C6orf132: variants seen among roughly 807,000 people sequenced by gnomAD.
C6orf132 encodes chromosome 6 open reading frame 132.
C6orf132 carries 43 observed loss-of-function variants against 65.3 expected under a neutral mutation model. That is an observed-to-expected ratio of 0.66 (90% CI 0.52 to 0.85). The LOEUF is 0.85. Among genes scored for constraint, C6orf132 ranks in the 40% least tolerant of loss-of-function variants. C6orf132 has a pLI of 0.00. For missense variants in C6orf132, 1,488 were observed against 1,548.8 expected, an observed-to-expected ratio of 0.96 and a Z score of 0.66; for synonymous variants, 631 against 654.1, an observed-to-expected ratio of 0.96 and a Z score of 0.54.
At chr6:42,123,524 T>A (rs13214537) in intron 2 of C6orf132, among the ~76,000 whole-genome samples, 85,015 of 137,458 alleles carry the variant, frequency 0.62, 24,889 homozygotes, top group Middle Eastern at 0.74. Flanking sequence ...GAGAGGGAGG[T>A]GGAGGAGGAG....
At chr6:42,118,995 G>T (rs1219854679) in intron 2 of C6orf132, among the ~76,000 whole-genome samples, 2 of 142,818 alleles carry the variant, frequency 1.4e-5, no homozygotes, top group Non-Finnish European at 3.0e-5. Flanking sequence ...CACTTTGGGA[G>T]GCCAAGGCAG....
At chr6:42,136,047 G>A (rs1766935774) in intron 1 of C6orf132, among the ~76,000 whole-genome samples, 1 of 151,634 alleles carries the variant, frequency 6.6e-6, no homozygotes, top group Non-Finnish European at 1.5e-5. Context: ...CACCAGCATG[G>A]CACATGTATA....
At chr6:42,140,712 C>T (rs1251588554) in intron 1 of C6orf132, among the ~76,000 whole-genome samples, 2 of 152,232 alleles carry the variant, frequency 1.3e-5, no homozygotes, top group African/African-American at 4.8e-5. Context: ...CTTAACCTCC[C>T]TGTGCCTCAG....
chr6:42,125,832 C>T (rs113710667), intron 2 of C6orf132, among the ~76,000 whole-genome samples: 3 of 151,984 alleles, frequency 2.0e-5, no homozygotes, highest in African/African-American at 7.2e-5. Context: ...TCTGCCCAGA[C>T]CAGATCCAAA....
In C6orf132 at chr6:42,105,677, T is replaced by C; in HGVS notation, c.2235A>G (p.Thr745=). ...AGGCTGCAGATGAGCGGGCTCCCTG[T>C]GTGGGCAGCCTAGTGGCCTCTGAGG... ...GSPSEATRLP[T]QGARSSAAFP... is the part of the protein sequence containing the mutation. The change falls in exon 4 of 5, where the codon ACA becomes ACG. Residue 745 remains threonine (T), a synonymous_variant. Transcript: ENST00000341865. 6.5e-7 allele frequency: 1 copy of C among 1,537,234 alleles called. No homozygotes were observed. Among genetic ancestry groups the C allele is most frequent in the Non-Finnish European group, 8.7e-7 (1 of 1,146,900 alleles).
chr6:42,107,334 A>C lies in C6orf132; in HGVS notation c.578T>G (p.Val193Gly). 2.3e-6 allele frequency: 2 copies of C among 872,084 alleles called. No homozygotes were observed. 54.0% of individuals were successfully genotyped at this position (872,084 alleles called of 1,614,324 possible). A position where few individuals can be genotyped will look rare whatever the true frequency, so the allele number is the denominator to read the frequency against. ...PPSMAPPPPP[V>G]LEALSPPHTL... ...GTGTGGTGGGGATAGGGCCTCCAAT[A>C]CTGGGGGTGGAGGTGGGGCCATGCT... is the stretch of plus-strand genomic sequence containing the variant. The change falls in exon 4 of 5, where the codon GTA (valine) becomes GGA (glycine). Residue 193 changes from valine (V) to glycine (G), a missense_variant. Val to Gly is a moderately radical substitution (Grantham distance 109, BLOSUM62 -3). Transcript: ENST00000341865.
In C6orf132 at chr6:42,103,859, G is replaced by A. The variant is rs1403108278; in HGVS notation, c.3469C>T (p.Arg1157Cys). 5.4e-6 allele frequency: 8 copies of A among 1,482,450 alleles called. No homozygotes were observed. Among genetic ancestry groups the A allele is most frequent in the East Asian group, 2.7e-5 (1 of 36,852 alleles). 91.8% of individuals were successfully genotyped at this position (1,482,450 alleles called of 1,614,324 possible). A position where few individuals can be genotyped will look rare whatever the true frequency, so the allele number is the denominator to read the frequency against. ...AACGTGTTGATGGGGCTTCCATAGC[G>A]GGTGGTGGTGTAGGGAGACCTGGGG... ...AAGRSPYTTT[R>C]YGSPINTFTV... Residue 1157 changes from arginine (R) to cysteine (C), a missense_variant, in exon 5 of 5, where the codon CGC becomes TGC. By Grantham distance (180) the Arg-to-Cys change is radical. Coordinates refer to ENST00000341865, the MANE Select transcript of C6orf132 (RefSeq NM_001164446.3).
In C6orf132 at chr6:42,142,241, G is replaced by A. The variant is rs150799103; in HGVS notation, c.145+59C>T. 2.8e-3 allele frequency: 4,170 copies of A among 1,515,780 alleles called. 17 individuals are homozygous for A. The highest frequency in any genetic ancestry group is 0.011 in the Admixed American group (515 of 48,722). The allele number at this position is 1,515,780 out of a possible 1,614,324, so 93.9% of individuals were successfully genotyped here. A position where few individuals can be genotyped will look rare whatever the true frequency, so the allele number is the denominator to read the frequency against. On this transcript the variant is annotated intron_variant, in intron 1 of 4. Coordinates refer to ENST00000341865, the MANE Select transcript of C6orf132 (RefSeq NM_001164446.3). ...CGCGCCTCCAGGAGACAGCACCGCCGGCCCTGCCCCAGCGCCCTCCGTCCC... is the reference window on the plus strand; with the variant it reads ...CGCGCCTCCAGGAGACAGCACCGCCAGCCCTGCCCCAGCGCCCTCCGTCCC...
Position 42,115,897 on chromosome 6 carries a change from CTTTCTTTTTTTTTT to C in C6orf132, c.253-5620_253-5607del, listed in dbSNP as rs1253033637. Among the ~76,000 whole-genome samples the C allele has an allele frequency of 2.4e-3, 338 of 142,434 alleles. 2 individuals carry two copies. Among genetic ancestry groups the C allele is most frequent in the Admixed American group, 5.3e-3 (77 of 14,498 alleles). 93.4% of individuals were successfully genotyped at this position (142,434 alleles called of 152,430 possible). On this transcript the variant is annotated intron_variant, in intron 2 of 4. Transcript: ENST00000341865. ...TTCTGTATCAGGTACTCTTTCAGCA[CTTTCTTTTTTTTTT>C]TTTCTTTTTTCTTTTTCTTTTTCTT...
At chr6:42,129,450 A>T (rs757868562) in intron 1 of C6orf132, among the ~76,000 whole-genome samples, 1 of 152,176 alleles carries the variant, frequency 6.6e-6, no homozygotes, top group Non-Finnish European at 1.5e-5. Context: ...TCCCATCCGT[A>T]CAGTGGGAGT....
chr6:42,134,774 C>CA (rs34668328), intron 1 of C6orf132, among the ~76,000 whole-genome samples: 10,624 of 83,486 alleles, frequency 0.13, 669 homozygotes, highest in Non-Finnish European at 0.16. Context: ...AACTCCATCT[C>CA]AAAAAAAAAA....
chr6:42,118,423 C>A (rs751013865), intron 2 of C6orf132, among the ~76,000 whole-genome samples: 17 of 152,176 alleles, frequency 1.1e-4, no homozygotes, highest in Non-Finnish European at 1.9e-4. Flanking sequence ...TACACTGCTC[C>A]ACCCTTGGCA....
chr6:42,130,016 C>T (rs1766826874), intron 1 of C6orf132, among the ~76,000 whole-genome samples: 1 of 152,368 alleles, frequency 6.6e-6, no homozygotes, highest in East Asian at 1.9e-4. Context: ...ATAGCCGCAG[C>T]ACCCCATGCG....
chr6:42,109,427 T>C (rs933812804), intron 3 of C6orf132, among the ~76,000 whole-genome samples: 7 of 139,804 alleles, frequency 5.0e-5, no homozygotes, highest in African/African-American at 1.8e-4. Context: ...CGAGACTCCA[T>C]CTCAAATAAA....
intron 1 of C6orf132, among the ~76,000 whole-genome samples, chr6:42,134,949 T>C (rs1254749033): frequency 2.0e-5 from 3 of 151,768 alleles, no homozygotes; most frequent in African/African-American, 7.3e-5. Context: ...CGTAGTGAGC[T>C]GAGATTGCGC....
intron 1 of C6orf132, 73 bp from the exon 2 acceptor site, chr6:42,128,851 C>T: frequency 3.6e-6 from 4 of 1,103,032 alleles, no homozygotes; most frequent in Non-Finnish European, 5.4e-6. Flanking sequence ...TTAATCTGCC[C>T]TTCAGCTCCC....
At position 42,130,217 on chromosome 6, in the gene C6orf132, G is replaced by T. The variant is rs111370156; in HGVS notation, c.146-1439C>A. On this transcript the variant is annotated intron_variant, in intron 1 of 4. Coordinates refer to ENST00000341865, the MANE Select transcript of C6orf132 (RefSeq NM_001164446.3). ...ACGTCCCTGGAAACTCCAGTTCCCA[G>T]CACTGCCCTGCCCCATGCACTCTGG... Among the ~76,000 whole-genome samples, 996 of 152,366 alleles carry T rather than the reference G, an allele frequency of 6.5e-3. 13 individuals carry two copies. Among genetic ancestry groups the T allele is most frequent in the African/African-American group, 0.023 (945 of 41,582 alleles).
rs1044175785 is a variant in C6orf132, at chr6:42,106,915, T to C, written c.997A>G (p.Lys333Glu). The part of the protein sequence containing the change: ...APRKEEGATK[K>E]APSRLPLPPS... ...GGCAGTGGGAGTCGGCTGGGAGCCTTCTTGGTGGCCCCCTCTTCCTTTCGG... is the reference window on the plus strand; with the variant it reads ...GGCAGTGGGAGTCGGCTGGGAGCCTCCTTGGTGGCCCCCTCTTCCTTTCGG... Residue 333 changes from lysine (K) to glutamate (E), a missense_variant, in exon 4 of 5, where the codon AAG (lysine) becomes GAG (glutamate). By Grantham distance (56) the Lys-to-Glu change is moderately conservative. Transcript: ENST00000341865. The C allele has an allele frequency of 7.2e-6, 11 of 1,535,722 alleles. No homozygotes were observed. In the African/African-American group the frequency reaches 1.5e-4, roughly 21 times the overall value.
Position 42,118,658 on chromosome 6 carries a change from G to A in C6orf132, c.253-8367C>T, listed in dbSNP as rs1463916518. The stretch of plus-strand genomic sequence containing the variant: ...CACCTCCCTCTTTGGGCCAGCCTGG[G>A]CAGCCGGCCACAGCCACTCCCTGCA... On this transcript the variant is annotated intron_variant, in intron 2 of 4. Transcript: ENST00000341865. Among the ~76,000 whole-genome samples the A allele has an allele frequency of 2.0e-5, 3 of 152,140 alleles. No individual in the cohort carries two copies. The East Asian group carries it at 5.8e-4, about 29-fold the overall frequency.
Sources: allele counts gnomAD v4.1 joint callset (sites outside exome capture counted in the v4.1 genomes callset), GRCh38; gene constraint gnomAD v4.1.1; transcripts MANE v1.5; gene names NCBI Gene and HGNC (gene_info 2026-07-23, HGNC 2026-07-21).